ROBO1: variants seen among roughly 807,000 people sequenced by gnomAD.
ROBO1 encodes the protein roundabout homolog 1.
In ROBO1, 149 loss-of-function variants were observed where a neutral mutation model predicts 195.9. That is an observed-to-expected ratio of 0.76 (90% CI 0.67 to 0.87). ROBO1 has a LOEUF of 0.87. Ranked by LOEUF, ROBO1 falls within the 40% of genes least tolerant of loss-of-function variation. The probability of loss-of-function intolerance (pLI) is 0.00; values close to 1 mark genes in which losing one functional copy is unlikely to be tolerated. For synonymous variants in ROBO1, 816 were observed against 733.2 expected (o/e 1.11, Z -1.82); for missense variants, 1,933 against 2,068.3 (o/e 0.93, Z 1.27).
At chr3:79,655,538 C>A (rs1946132802) in intron 1 of ROBO1, among the ~76,000 whole-genome samples, 1 of 152,008 alleles carries the variant, frequency 6.6e-6, no homozygotes, top group African/African-American at 2.4e-5. Context: ...GATACTTGCA[C>A]TTAATAATGG....
At chr3:78,702,057 A>C (rs2081433437) in intron 8 of ROBO1, among the ~76,000 whole-genome samples, 1 of 152,196 alleles carries the variant, frequency 6.6e-6, no homozygotes, top group African/African-American at 2.4e-5. Flanking sequence ...ATATTTTTAA[A>C]AACTAAAAAA....
intron 5 of ROBO1, among the ~76,000 whole-genome samples, chr3:78,736,900 G>T (rs2082405134): frequency 6.6e-6 from 1 of 152,098 alleles, no homozygotes; most frequent in South Asian, 2.1e-4. Context: ...CTTGAGAAGA[G>T]AAACCAGCCT....
intron 2 of ROBO1, among the ~76,000 whole-genome samples, chr3:79,211,990 AT>A (rs1256909610): frequency 1.3e-5 from 2 of 152,232 alleles, no homozygotes; most frequent in Admixed American, 1.3e-4. Context: ...AACTAAAAGT[AT>A]TCCTTACGGG....
At chr3:78,599,119 T>C (rs1171984619) in intron 30 of ROBO1, among the ~76,000 whole-genome samples, 192 bp from the exon 31 acceptor site, 1 of 152,148 alleles carries the variant, frequency 6.6e-6, no homozygotes, top group Non-Finnish European at 1.5e-5. Flanking sequence ...ATTCAACAAG[T>C]ACCAAACTGG....
chr3:78,925,293 A>G (rs2039146780), intron 4 of ROBO1, among the ~76,000 whole-genome samples: 1 of 152,232 alleles, frequency 6.6e-6, no homozygotes, highest in South Asian at 2.1e-4. Context: ...ACTAAATTTT[A>G]TAGTCAAATT....
intron 4 of ROBO1, among the ~76,000 whole-genome samples, chr3:78,892,735 G>C (rs1252700598): frequency 6.6e-6 from 1 of 152,078 alleles, no homozygotes; most frequent in Non-Finnish European, 1.5e-5. Context: ...GAACAGTTTA[G>C]TTCTCTTAAT....
chr3:79,195,028 C>T (rs945868951), intron 2 of ROBO1, among the ~76,000 whole-genome samples: 11 of 151,606 alleles, frequency 7.3e-5, no homozygotes, highest in Admixed American at 6.6e-4. Context: ...TCTGTTAACA[C>T]ATCAAAACAG....
intron 4 of ROBO1, among the ~76,000 whole-genome samples, chr3:78,875,183 G>T (rs1357194602): frequency 1.3e-5 from 2 of 151,956 alleles, no homozygotes; most frequent in African/African-American, 4.8e-5. Flanking sequence ...GTACACAAAT[G>T]ATCTTGGCAC....
At chr3:79,632,717 C>A (rs1166570444) in intron 1 of ROBO1, among the ~76,000 whole-genome samples, 1 of 151,976 alleles carries the variant, frequency 6.6e-6, no homozygotes, top group Non-Finnish European at 1.5e-5. Flanking sequence ...TATTTGTGAC[C>A]ATGTGTTAAG....
rs1482531947 is a variant in ROBO1, at chr3:79,602,856, T to A, written c.-50-12895A>T. On this transcript the variant is annotated intron_variant, in intron 1 of 30. Coordinates refer to ENST00000464233, the MANE Select transcript of ROBO1 (RefSeq NM_002941.4). ...CAGTTTGCTTTCTTTGGGCAAGCTTTGTGCTATACTGATGGTATTCTAGTA... is the reference window on the plus strand; with the variant it reads ...CAGTTTGCTTTCTTTGGGCAAGCTTAGTGCTATACTGATGGTATTCTAGTA... Among the ~76,000 whole-genome samples the A allele has an allele frequency of 3.9e-5, 6 of 152,058 alleles. 1 individual carries two copies. Among genetic ancestry groups the A allele is most frequent in the Non-Finnish European group, 8.8e-5 (6 of 67,970 alleles).
chr3:78,673,418 C>T (rs946376210), intron 10 of ROBO1, among the ~76,000 whole-genome samples: 4 of 143,298 alleles, frequency 2.8e-5, no homozygotes, highest in African/African-American at 1.0e-4. Flanking sequence ...GGTTACACCA[C>T]CTGTTATAAA....
intron 2 of ROBO1, among the ~76,000 whole-genome samples, chr3:79,456,200 T>C (rs369028565): frequency 2.6e-5 from 4 of 152,312 alleles, no homozygotes; most frequent in African/African-American, 7.2e-5. Flanking sequence ...AAAAGTAAGA[T>C]GGCCTTGCAA....
intron 2 of ROBO1, among the ~76,000 whole-genome samples, chr3:79,547,042 G>A (rs1176063492): frequency 1.3e-5 from 2 of 151,696 alleles, no homozygotes; most frequent in African/African-American, 4.8e-5. Flanking sequence ...AAAATTAGCC[G>A]GGCGTGGTGG....
intron 2 of ROBO1, among the ~76,000 whole-genome samples, chr3:79,228,549 G>A (rs1248541470): frequency 6.6e-6 from 1 of 152,078 alleles, no homozygotes. Context: ...TTGTCAGGGA[G>A]ATTTTTAAAA....
chr3:78,641,916 G>T (rs893337633), intron 21 of ROBO1, among the ~76,000 whole-genome samples: 1 of 152,154 alleles, frequency 6.6e-6, no homozygotes, highest in Non-Finnish European at 1.5e-5. Context: ...GTTTAGACTT[G>T]AATTTGGAAT....
At chr3:79,013,939 AAAGCGTTACCATACAG>A (rs1275364266) in intron 3 of ROBO1, among the ~76,000 whole-genome samples, 3 of 152,302 alleles carry the variant, frequency 2.0e-5, no homozygotes, top group African/African-American at 7.2e-5. Flanking sequence ...CCTTTAAGCA[AAAGCGTTACCATACAG>A]AAGGTAACTA....
chr3:79,212,591 G>C (rs925351468), intron 2 of ROBO1, among the ~76,000 whole-genome samples: 1 of 152,066 alleles, frequency 6.6e-6, no homozygotes, highest in South Asian at 2.1e-4. Context: ...GAGACTGAGG[G>C]CGCAGATCAC....
chr3:78,876,644 T>C (rs891853977), intron 4 of ROBO1, among the ~76,000 whole-genome samples: 4 of 152,170 alleles, frequency 2.6e-5, no homozygotes, highest in African/African-American at 9.7e-5. Flanking sequence ...AAAGTCAAGA[T>C]ACTCTTAAAT....
At chr3:78,857,702 C>G (rs1194325760) in intron 4 of ROBO1, among the ~76,000 whole-genome samples, 1 of 152,154 alleles carries the variant, frequency 6.6e-6, no homozygotes, top group Non-Finnish European at 1.5e-5. Context: ...CCAGGTGACG[C>G]TGGTGCACAG....
Sources: allele counts gnomAD v4.1 joint callset (sites outside exome capture counted in the v4.1 genomes callset), GRCh38; gene constraint gnomAD v4.1.1; transcripts MANE v1.5; gene names NCBI Gene and HGNC (gene_info 2026-07-23, HGNC 2026-07-21).